DAGLA: variants seen among roughly 807,000 people sequenced by gnomAD.
DAGLA encodes the protein diacylglycerol lipase alpha, also known as diacylglycerol lipase-alpha.
In DAGLA, 22 loss-of-function variants were observed where a neutral mutation model predicts 102.6. The observed-to-expected ratio is 0.21, with a 90% CI of 0.15 to 0.31. The LOEUF is 0.31. Among genes scored for constraint, DAGLA ranks in the 10% least tolerant of loss-of-function variants. The probability of loss-of-function intolerance (pLI) is 1.00; values close to 1 mark genes in which losing one functional copy is unlikely to be tolerated. For synonymous variants in DAGLA, 578 were observed against 628.9 expected (o/e 0.92, Z 1.21); for missense variants, 927 against 1,446.6 (o/e 0.64, Z 5.83).
At position 61,735,022 on chromosome 11, in the gene DAGLA, G is replaced by A. The variant is rs375970808; in HGVS notation, c.1128+20G>A. On this transcript the variant is annotated intron_variant, in intron 10 of 19. Coordinates refer to ENST00000257215, the MANE Select transcript of DAGLA (RefSeq NM_006133.3). ...GATGCGGTGAGGCCGGGCAGGGCTG[G>A]GGCCTGGTGTCAGGAGCAGGCAGCT... is the stretch of plus-strand genomic sequence containing the variant. 1.2e-6 allele frequency: 2 copies of A among 1,607,796 alleles called. No individual in the cohort carries two copies. The highest frequency in any genetic ancestry group is 1.1e-5 in the South Asian group (1 of 90,952).
At chr11:61,741,440 GGCTCA>G in intron 19 of DAGLA, 91 bp downstream of exon 19, 1 of 1,406,580 alleles carries the variant, frequency 7.1e-7, no homozygotes, top group Non-Finnish European at 9.6e-7. Flanking sequence ...GCATGCACTG[GGCTCA>G]GCTCTGCACA....
chr11:61,717,065 T>A (rs1176142634), intron 1 of DAGLA, among the ~76,000 whole-genome samples: 2 of 152,096 alleles, frequency 1.3e-5, no homozygotes, highest in Non-Finnish European at 2.9e-5. Flanking sequence ...AGGCAGCGCC[T>A]ACCCCCGCCC....
chr11:61,686,585 C>T lies in DAGLA; in HGVS notation c.-45+6081C>T, dbSNP rs2064986579. Among the ~76,000 whole-genome samples the T allele has an allele frequency of 6.6e-6, 1 of 152,208 alleles. No homozygotes were observed. The highest frequency in any genetic ancestry group is 2.4e-5 in the African/African-American group (1 of 41,452). On this transcript the variant is annotated intron_variant, in intron 1 of 19. Coordinates refer to ENST00000257215, the MANE Select transcript of DAGLA (RefSeq NM_006133.3). The surrounding 1 kb of genome is among the most constrained non-coding windows in gnomAD (Gnocchi z 5.2). Reference sequence around the variant, plus strand: ...TGGAGGAGAACAGGGCTTGCCCTCACCTGTGTTTGGGGGCTGCTCCTGCAA... The same window carrying T: ...TGGAGGAGAACAGGGCTTGCCCTCATCTGTGTTTGGGGGCTGCTCCTGCAA...
chr11:61,719,605 A>G (rs537173148), intron 1 of DAGLA, among the ~76,000 whole-genome samples: 2 of 152,226 alleles, frequency 1.3e-5, no homozygotes, highest in Non-Finnish European at 2.9e-5. Context: ...GCTGCCAACC[A>G]TACAGGGTCC....
rs1451063982 is a variant in DAGLA, at chr11:61,744,186, C to T, written c.2826C>T (p.Pro942=). Residue 942 remains proline (P), a synonymous_variant, in exon 20 of 20, where the codon CCC becomes CCT. Transcript: ENST00000257215. ...ACTGCATGGTGGTGCCCGAGAGCCC[C>T]ACCAGTGACTACGCTGAGGGCCCCA... ...DLYCMVVPES[P]TSDYAEGPKS... 1 of 1,612,938 alleles carries T rather than the reference C, an allele frequency of 6.2e-7. No individual in the cohort carries two copies. The highest frequency in any genetic ancestry group is 1.3e-5 in the African/African-American group (1 of 74,928).
rs1280070088 is a variant in DAGLA at position 61,728,141 on chromosome 11, T to C, written c.637-12T>C. 2.5e-6 allele frequency: 4 copies of C among 1,613,700 alleles called. No homozygotes were observed. Among genetic ancestry groups the C allele is most frequent in the Non-Finnish European group, 3.4e-6 (4 of 1,179,836 alleles). Reference sequence around the variant, plus strand: ...CCCCTGCCACTGCCTCCTGCCTTCCTGGACCTCGTAGGATGCCTACTCAGA... The same window carrying C: ...CCCCTGCCACTGCCTCCTGCCTTCCCGGACCTCGTAGGATGCCTACTCAGA... On this transcript the variant is annotated splice_polypyrimidine_tract_variant and intron_variant, in intron 6 of 19. Coordinates refer to ENST00000257215, the MANE Select transcript of DAGLA (RefSeq NM_006133.3).
chr11:61,721,054 G>A (rs1356806001), intron 3 of DAGLA, among the ~76,000 whole-genome samples, 164 bp downstream of exon 3: 1 of 152,238 alleles, frequency 6.6e-6, no homozygotes, highest in African/African-American at 2.4e-5. Context: ...CTAGGGGCCA[G>A]CAAACTGCAG....
rs1029821096 is a variant in DAGLA at position 61,728,240 on chromosome 11, C to T, written c.724C>T (p.Leu242=). The T allele has an allele frequency of 1.1e-5, 18 of 1,613,976 alleles. No homozygotes were observed. Among genetic ancestry groups the T allele is most frequent in the Non-Finnish European group, 1.4e-5 (16 of 1,180,008 alleles). The change falls in exon 7 of 20, where the codon CTG becomes TTG. Residue 242 remains leucine (L), a synonymous_variant. Coordinates refer to ENST00000257215, the MANE Select transcript of DAGLA (RefSeq NM_006133.3). ...VPSDIIAGLV[L]LRQRQRAKRN... is the part of the protein sequence containing the mutation. Reference sequence around the variant, plus strand: ...ATCCGACATCATTGCTGGCCTGGTGCTGCTCCGGCAGCGGCAGCGGGCCAA... The same window carrying T: ...ATCCGACATCATTGCTGGCCTGGTGTTGCTCCGGCAGCGGCAGCGGGCCAA...
chr11:61,711,985 A>G (rs2065198019), intron 1 of DAGLA, among the ~76,000 whole-genome samples: 1 of 152,270 alleles, frequency 6.6e-6, no homozygotes, highest in African/African-American at 2.4e-5. Context: ...ACCAGCATGT[A>G]GTAAATGCTA....
At chr11:61,740,428 C>A (rs376884241) in intron 17 of DAGLA, 35 bp from the exon 18 acceptor site, 3 of 1,605,166 alleles carry the variant, frequency 1.9e-6, no homozygotes, top group Non-Finnish European at 2.6e-6. Context: ...GCCACCACCC[C>A]ACCCTTAACT....
At chr11:61,726,809 G>A (rs2065330816) in intron 6 of DAGLA, among the ~76,000 whole-genome samples, 1 of 152,208 alleles carries the variant, frequency 6.6e-6, no homozygotes, top group South Asian at 2.1e-4. Context: ...GGAAGCCACC[G>A]GGAAGCCTCG....
intron 2 of DAGLA, 98 bp downstream of exon 2, chr11:61,720,348 C>G (rs2065271517): frequency 1.6e-6 from 2 of 1,252,386 alleles, no homozygotes; most frequent in South Asian, 1.2e-5. Context: ...GGGCCCAAGT[C>G]CCAACCCTGT....
In DAGLA at chr11:61,744,105, G is replaced by T; in HGVS notation, c.2745G>T (p.Glu915Asp). 1 of 1,613,010 alleles carries T rather than the reference G, an allele frequency of 6.2e-7. No homozygotes were observed. Among genetic ancestry groups the T allele is most frequent in the East Asian group, 2.2e-5 (1 of 44,880 alleles). ...SPSPQVLEFA[E>D]FIDSLFNLDS... ...GTCCTCAGGTGCTGGAATTCGCCGA[G>T]TTCATCGACAGCCTCTTCAACCTGG... The change falls in exon 20 of 20, where the codon GAG (glutamate) becomes GAT (aspartate). Residue 915 changes from glutamate (E) to aspartate (D), a missense_variant. This residue lies in a region of DAGLA where 434 missense variants were observed against 503.3 expected (regional missense o/e 0.86). Transcript: ENST00000257215.
At chr11:61,702,756 G>A (rs1360081068) in intron 1 of DAGLA, among the ~76,000 whole-genome samples, 5 of 152,212 alleles carry the variant, frequency 3.3e-5, no homozygotes, top group African/African-American at 1.2e-4. Flanking sequence ...AGAGGTGGAC[G>A]CAAGTCACAC....
At chr11:61,726,666 C>T (rs2065329949) in intron 6 of DAGLA, among the ~76,000 whole-genome samples, 1 of 152,248 alleles carries the variant, frequency 6.6e-6, no homozygotes, top group Non-Finnish European at 1.5e-5. Flanking sequence ...TCCCACCCCT[C>T]ATTTTACAGA....
chr11:61,723,400 G>A (rs372816992), intron 4 of DAGLA, 34 bp from the exon 5 acceptor site: 36 of 1,600,506 alleles, frequency 2.2e-5, no homozygotes, highest in East Asian at 9.0e-5. Flanking sequence ...TGTCCCCAGC[G>A]CCCCTACCTA....
rs2065467816 is a variant in DAGLA at position 61,740,453 on chromosome 11, T to A, written c.1854-10T>A. On this transcript the variant is annotated splice_polypyrimidine_tract_variant and intron_variant, in intron 17 of 19. Coordinates refer to ENST00000257215, the MANE Select transcript of DAGLA (RefSeq NM_006133.3). ...CACCCTTAACTCCCCTCTGTCCATG[T>A]CCCTCTCAGCTGCTGTGAGCAGGAG... 3.7e-6 allele frequency: 6 copies of A among 1,612,918 alleles called. No homozygotes were observed. Among genetic ancestry groups the A allele is most frequent in the Admixed American group, 1.7e-5 (1 of 59,990 alleles).
At chr11:61,701,754 G>C (rs2065111690) in intron 1 of DAGLA, among the ~76,000 whole-genome samples, 1 of 152,120 alleles carries the variant, frequency 6.6e-6, no homozygotes, top group Non-Finnish European at 1.5e-5. Context: ...TCACACAGCG[G>C]CAGTCAGTGG....
At position 61,744,386 on chromosome 11, in the gene DAGLA, G is replaced by C. The variant is rs200476425; in HGVS notation, c.3026G>C (p.Ser1009Thr). Reference protein sequence around the residue: ...ELMDLTPTGLSSQECLAADKI... With the variant: ...ELMDLTPTGLTSQECLAADKI... ...ATGGACCTGACGCCCACGGGCCTCA[G>C]TAGCCAGGAATGCCTGGCGGCTGAC... The change falls in exon 20 of 20, where the codon AGT (serine) becomes ACT (threonine). Residue 1009 changes from serine (S) to threonine (T), a missense_variant. Physicochemically the swap from Ser to Thr is moderately conservative, Grantham distance 58 (BLOSUM62 1). Around this residue, in one of 4 missense-constraint regions of DAGLA, gnomAD observed 434 missense variants for 503.3 expected, o/e 0.86. Coordinates refer to ENST00000257215, the MANE Select transcript of DAGLA (RefSeq NM_006133.3). The C allele has an allele frequency of 3.7e-6, 6 of 1,611,574 alleles. No homozygotes were observed. In the East Asian group the frequency reaches 1.1e-4, roughly 30 times the overall value.
Sources: allele counts gnomAD v4.1 joint callset (sites outside exome capture counted in the v4.1 genomes callset), GRCh38; gene constraint gnomAD v4.1.1; regional missense constraint gnomAD v4.1.1; non-coding constraint Gnocchi (gnomAD v3.1); transcripts MANE v1.5; gene names NCBI Gene and HGNC (gene_info 2026-07-23, HGNC 2026-07-21).